Variants in SSH1 observed in about 807,000 individuals in gnomAD.
SSH1 encodes protein phosphatase Slingshot homolog 1.
Under a neutral mutation model 79.7 loss-of-function variants are expected in SSH1, and 43 were observed. The observed-to-expected ratio is 0.54, with a 90% CI of 0.42 to 0.70. The LOEUF (loss-of-function observed/expected upper bound fraction) is 0.70, where lower values mean the gene tolerates loss of function less well. SSH1 is among the 30% of genes least tolerant of loss of function. SSH1 has a pLI of 0.00. For synonymous variants in SSH1, 599 were observed against 538.3 expected (o/e 1.11, Z -1.56); for missense variants, 1,206 against 1,358.8 (o/e 0.89, Z 1.77).
chr12:108,792,191 G>GTGCC, intron 14 of SSH1, 95 bp downstream of exon 14: 2 of 1,587,178 alleles, frequency 1.3e-6, no homozygotes, highest in Non-Finnish European at 1.7e-6. Context: ...GTGGTGGCGG[G>GTGCC]TGCCTGTAGT....
At chr12:108,833,523 C>A (rs2038524384) in intron 2 of SSH1, among the ~76,000 whole-genome samples, 1 of 152,196 alleles carries the variant, frequency 6.6e-6, no homozygotes, top group Admixed American at 6.5e-5. Flanking sequence ...TCATTTGTCA[C>A]CGAGTCCTAA....
rs1592997460 is a variant in SSH1, at chr12:108,788,711, G to T, written c.2427C>A (p.His809Gln). 6.2e-7 allele frequency: 1 copy of T among 1,614,236 alleles called. No individual in the cohort carries two copies. The highest frequency in any genetic ancestry group is 8.5e-7 in the Non-Finnish European group (1 of 1,180,046). ...TCTGCAGCTGAATGATGGACTCCTG[G>T]TGCTGCATCAGGTAGCTGTTGGTTG... ...KPTTNSYLMQ[H>Q]QESIIQLQKA... is the part of the protein sequence containing the mutation. Residue 809 changes from histidine (H) to glutamine (Q), a missense_variant, in exon 15 of 15, where the codon CAC becomes CAA. Coordinates refer to ENST00000326495, the MANE Select transcript of SSH1 (RefSeq NM_018984.4).
chr12:108,852,054 A>T (rs1022397852), intron 2 of SSH1, among the ~76,000 whole-genome samples: 1 of 152,150 alleles, frequency 6.6e-6, no homozygotes, highest in East Asian at 1.9e-4. Flanking sequence ...TTAGAAAATA[A>T]TAAGTTACCA....
At chr12:108,789,877 AGAGAC>A (rs2036430026) in intron 14 of SSH1, among the ~76,000 whole-genome samples, 2 of 152,300 alleles carry the variant, frequency 1.3e-5, no homozygotes, top group South Asian at 4.1e-4. Context: ...CAAACAGATA[AGAGAC>A]AAGGTCCTAC....
intron 2 of SSH1, among the ~76,000 whole-genome samples, chr12:108,851,869 C>CT (rs912199958): frequency 1.2e-3 from 183 of 149,386 alleles, no homozygotes; most frequent in Non-Finnish European, 2.3e-3. Flanking sequence ...ATGATTATTA[C>CT]TTTTTTTTTT....
rs1196897447 is a variant in SSH1, at chr12:108,783,974, C to A, written c.*4014G>T. The A allele has an allele frequency of 1.3e-5, 2 of 152,240 alleles. No homozygotes were observed. Among genetic ancestry groups the A allele is most frequent in the Non-Finnish European group, 2.9e-5 (2 of 68,074 alleles). The allele number at this position is 152,240 out of a possible 1,614,324, so 9.4% of individuals were successfully genotyped here. A position where few individuals can be genotyped will look rare whatever the true frequency, so the allele number is the denominator to read the frequency against. On this transcript the variant is annotated 3_prime_UTR_variant, in exon 15 of 15. Coordinates refer to ENST00000326495, the MANE Select transcript of SSH1 (RefSeq NM_018984.4). ...GCCAGAGGTGAAGGGGGTCCCCTCG[C>A]TGAGTTGCGTGTTTAGAGGAGCCCT...
At chr12:108,798,893 C>G in intron 13 of SSH1, 107 bp downstream of exon 13, 1 of 1,349,108 alleles carries the variant, frequency 7.4e-7, no homozygotes. Flanking sequence ...GAAGCGGCTG[C>G]TGGGCCGAAT....
chr12:108,846,912 T>C (rs1220016209), intron 2 of SSH1, among the ~76,000 whole-genome samples: 1 of 152,146 alleles, frequency 6.6e-6, no homozygotes, highest in Non-Finnish European at 1.5e-5. Flanking sequence ...ACTTTTTTTT[T>C]TTTTGAGACA....
intron 14 of SSH1, among the ~76,000 whole-genome samples, chr12:108,790,627 T>G (rs1338671744): frequency 6.6e-6 from 1 of 152,216 alleles, no homozygotes; most frequent in Non-Finnish European, 1.5e-5. Context: ...TGCTTTGTGG[T>G]AGGCAGGGAA....
intron 2 of SSH1, among the ~76,000 whole-genome samples, chr12:108,841,300 T>C (rs950193680): frequency 2.0e-5 from 3 of 152,286 alleles, no homozygotes; most frequent in African/African-American, 7.2e-5. Context: ...GCTCACGCAA[T>C]GTGCTAAGTG....
intron 1 of SSH1, among the ~76,000 whole-genome samples, chr12:108,856,667 G>A (rs2039149360): frequency 6.6e-6 from 1 of 152,212 alleles, no homozygotes; most frequent in South Asian, 2.1e-4. Context: ...AGAGGCGGCA[G>A]GCGGGGAAAC....
chr12:108,820,764 C>G (rs1373012833), intron 3 of SSH1, among the ~76,000 whole-genome samples: 1 of 152,204 alleles, frequency 6.6e-6, no homozygotes, highest in African/African-American at 2.4e-5. Context: ...CTGGTACATT[C>G]AGGAGACTTG....
In SSH1 at chr12:108,856,597, C is replaced by A. The variant is rs534717321; in HGVS notation, c.69+831G>T. Reference sequence around the variant, plus strand: ...AGACGTGAAACACAGCCACACAGAGCCCACAGCACGCTCGGTCACCGTCAC... The same window carrying A: ...AGACGTGAAACACAGCCACACAGAGACCACAGCACGCTCGGTCACCGTCAC... On this transcript the variant is annotated intron_variant, in intron 1 of 14. Coordinates refer to ENST00000326495, the MANE Select transcript of SSH1 (RefSeq NM_018984.4). 3.9e-5 allele frequency among the ~76,000 whole-genome samples: 6 copies of A among 152,346 alleles called. No individual in the cohort carries two copies. The East Asian group carries it at 1.2e-3, about 29-fold the overall frequency.
chr12:108,856,348 A>G (rs1252157179), intron 1 of SSH1, among the ~76,000 whole-genome samples: 1 of 152,262 alleles, frequency 6.6e-6, no homozygotes, highest in African/African-American at 2.4e-5. Context: ...CTAAGAGGGC[A>G]ACAGTGCCCT....
chr12:108,822,070 T>C (rs1324615225), intron 3 of SSH1, among the ~76,000 whole-genome samples: 2 of 152,178 alleles, frequency 1.3e-5, no homozygotes, highest in Non-Finnish European at 2.9e-5. Flanking sequence ...TTCTTTCTTT[T>C]TGAGATAGGG....
chr12:108,826,215 G>A (rs1275295446), intron 2 of SSH1: 1 of 442,124 alleles, frequency 2.3e-6, no homozygotes, highest in Admixed American at 2.7e-5. Flanking sequence ...GAAAAAAAAA[G>A]GAACAATGCA....
rs199643959 is a variant in SSH1 at position 108,806,293 on chromosome 12, T to C, written c.825+8A>G. 132 of 1,613,638 alleles carry C rather than the reference T, an allele frequency of 8.2e-5. No homozygotes were observed. The highest frequency in any genetic ancestry group is 3.3e-4 in the Middle Eastern group (2 of 6,080). ...TCTGACCTGCAATGAAGGGAGGAGT[T>C]GTCTTACCTCTTTGGAAGTCACATT... On this transcript the variant is annotated splice_region_variant and intron_variant, in intron 9 of 14. Coordinates refer to ENST00000326495, the MANE Select transcript of SSH1 (RefSeq NM_018984.4).
chr12:108,792,725 T>C lies in SSH1; in HGVS notation c.1454A>G (p.Asp485Gly), dbSNP rs147936147. Residue 485 changes from aspartate (D) to glycine (G), a missense_variant, in exon 14 of 15, where the codon GAT becomes GGT. Asp to Gly is a moderately conservative substitution (Grantham distance 94). This residue lies in a region of SSH1 where 709 missense variants were observed against 730.6 expected (regional missense o/e 0.97). Coordinates refer to ENST00000326495, the MANE Select transcript of SSH1 (RefSeq NM_018984.4). ...GPGDFLPETP[D>G]GTPESQLPFL... ...GGGCAGCTGGCTTTCCGGGGTGCCA[T>C]CTGGGGTCTCTGGCAAGAAGTCGCC... is the stretch of plus-strand genomic sequence containing the variant. The C allele has an allele frequency of 1.2e-6, 2 of 1,613,610 alleles. No individual in the cohort carries two copies. Among genetic ancestry groups the C allele is most frequent in the African/African-American group, 2.7e-5 (2 of 74,936 alleles).
chr12:108,800,723 C>T, intron 12 of SSH1, 57 bp downstream of exon 12: 2 of 1,608,094 alleles, frequency 1.2e-6, no homozygotes, highest in Non-Finnish European at 1.7e-6. Flanking sequence ...TTCATTCCCA[C>T]TCTCCCAGCC....
Sources: gnomAD v4.1 joint callset for allele counts (sites outside exome capture counted in the v4.1 genomes callset) on GRCh38, gnomAD v4.1.1 for gene constraint, gnomAD v4.1.1 regional missense constraint, MANE v1.5 for transcripts, NCBI Gene and HGNC (gene_info 2026-07-23, HGNC 2026-07-21) for gene names.